Variants in SLC30A6 observed in about 807,000 individuals in gnomAD.
SLC30A6 encodes zinc transporter 6.
Under a neutral mutation model 63.0 loss-of-function variants are expected in SLC30A6, and 55 were observed. The observed-to-expected ratio is 0.87, with a 90% CI of 0.70 to 1.09. The LOEUF (loss-of-function observed/expected upper bound fraction) is 1.09. Ranked by LOEUF, SLC30A6 falls within the 50% of genes least tolerant of loss-of-function variation. The pLI is 0.00. For missense variants in SLC30A6, 587 were observed against 549.2 expected (o/e 1.07, Z -0.69); for synonymous variants, 224 against 186.1 (o/e 1.20, Z -1.66).
intron 13 of SLC30A6, among the ~76,000 whole-genome samples, chr2:32,211,151 G>A (rs939551678): frequency 6.6e-6 from 1 of 152,122 alleles, no homozygotes; most frequent in South Asian, 2.1e-4. Context: ...TCTCAGGGTC[G>A]CTTGCTCCTC....
At chr2:32,213,160 G>C (rs1007826361) in intron 13 of SLC30A6, among the ~76,000 whole-genome samples, 10 of 151,970 alleles carry the variant, frequency 6.6e-5, no homozygotes, top group Non-Finnish European at 1.5e-4. Flanking sequence ...TACTGCCTTG[G>C]CCTCCCAAAG....
intron 5 of SLC30A6, among the ~76,000 whole-genome samples, chr2:32,191,088 A>G (rs560193920): frequency 7.9e-5 from 12 of 152,340 alleles, no homozygotes; most frequent in Non-Finnish European, 1.6e-4. Flanking sequence ...ATCTGGTAGT[A>G]TAAATCTTCC....
intron 10 of SLC30A6, chr2:32,203,093 A>G: frequency 7.6e-7 from 1 of 1,308,580 alleles, no homozygotes; most frequent in Non-Finnish European, 1.1e-6. Flanking sequence ...AATTTACACT[A>G]AAAGACTTCA....
At chr2:32,210,277 C>T (rs908523171) in intron 13 of SLC30A6, among the ~76,000 whole-genome samples, 1 of 151,894 alleles carries the variant, frequency 6.6e-6, no homozygotes, top group Non-Finnish European at 1.5e-5. Flanking sequence ...TTTGGGAAGC[C>T]GAGGCGGGCA....
rs549144131 is a variant in SLC30A6 at position 32,196,982 on chromosome 2, C to T, written c.497-362C>T. Among the ~76,000 whole-genome samples, 9 of 152,294 alleles carry T rather than the reference C, an allele frequency of 5.9e-5. No homozygotes were observed. The South Asian group carries it at 1.9e-3, about 32-fold the overall frequency. On this transcript the variant is annotated intron_variant, in intron 8 of 13. Coordinates refer to ENST00000282587, the MANE Select transcript of SLC30A6 (RefSeq NM_017964.5). ...GGCTGAGGCAGGAGAATTGCTTGAA[C>T]GCGGGAGACAGAGGTTGCAGTGAGC...
At chr2:32,169,407 G>A (rs1680980919) in intron 1 of SLC30A6, among the ~76,000 whole-genome samples, 1 of 152,076 alleles carries the variant, frequency 6.6e-6, no homozygotes, top group Non-Finnish European at 1.5e-5. Context: ...GAACTCCTGG[G>A]CTCAACTGAT....
chr2:32,204,804 A>G, intron 11 of SLC30A6, 112 bp downstream of exon 11: 1 of 410,132 alleles, frequency 2.4e-6, no homozygotes, highest in South Asian at 7.4e-5. Flanking sequence ...TTTATTTTTT[A>G]ATTTTAATTT....
At chr2:32,171,827 G>A (rs1251226871) in intron 2 of SLC30A6, among the ~76,000 whole-genome samples, 5 of 152,032 alleles carry the variant, frequency 3.3e-5, no homozygotes, top group Non-Finnish European at 7.4e-5. Flanking sequence ...CAAGTAGCTG[G>A]GATTACAGGC....
Position 32,203,819 on chromosome 2 carries a change from C to G in SLC30A6, c.666-771C>G, listed in dbSNP as rs1684504758. The G allele has an allele frequency of 2.1e-6, 3 of 1,442,682 alleles. No homozygotes were observed. In the South Asian group the frequency reaches 3.5e-5, roughly 17 times the overall value. 89.4% of individuals were successfully genotyped at this position (1,442,682 alleles called of 1,614,324 possible). ...GAATATTATGATAGAAACACATCTT[C>G]TAATTCCAGACAGAGGAGTGGTTGG... On this transcript the variant is annotated intron_variant, in intron 10 of 13. Coordinates refer to ENST00000282587, the MANE Select transcript of SLC30A6 (RefSeq NM_017964.5).
At chr2:32,167,745 T>C (rs1680813734) in intron 1 of SLC30A6, among the ~76,000 whole-genome samples, 1 of 152,128 alleles carries the variant, frequency 6.6e-6, no homozygotes, top group Non-Finnish European at 1.5e-5. Context: ...TTGCCTATAA[T>C]ACTGATGATT....
chr2:32,174,375 CAG>C (rs1681518505), intron 3 of SLC30A6, among the ~76,000 whole-genome samples: 1 of 151,614 alleles, frequency 6.6e-6, no homozygotes, highest in Non-Finnish European at 1.5e-5. Flanking sequence ...TATTTTAAAA[CAG>C]AAATGGGGTT....
At chr2:32,178,576 G>A (rs1411504790) in intron 4 of SLC30A6, among the ~76,000 whole-genome samples, 2 of 152,186 alleles carry the variant, frequency 1.3e-5, no homozygotes, top group African/African-American at 2.4e-5. Flanking sequence ...AGGAGGCTGA[G>A]GCAGGAGAAT....
At chr2:32,198,676 C>T (rs184053548) in intron 10 of SLC30A6, among the ~76,000 whole-genome samples, 2 of 152,130 alleles carry the variant, frequency 1.3e-5, no homozygotes, top group Non-Finnish European at 2.9e-5. Flanking sequence ...CTCCACCTCC[C>T]GAGTTCAAGC....
chr2:32,186,912 G>A (rs1169984163), intron 5 of SLC30A6, among the ~76,000 whole-genome samples: 1 of 143,994 alleles, frequency 6.9e-6, no homozygotes, highest in Non-Finnish European at 1.5e-5. Context: ...TGGGAAAATG[G>A]CTTGAACCTG....
At chr2:32,172,556 C>T (rs962460408) in intron 2 of SLC30A6, among the ~76,000 whole-genome samples, 1 of 152,000 alleles carries the variant, frequency 6.6e-6, no homozygotes, top group African/African-American at 2.4e-5. Flanking sequence ...TTTGTGCTCC[C>T]CTTCCCTCTG....
intron 9 of SLC30A6, 22 bp from the exon 10 acceptor site, chr2:32,197,685 C>G: frequency 6.2e-7 from 1 of 1,613,452 alleles, no homozygotes; most frequent in East Asian, 2.2e-5. Context: ...AATGGATACT[C>G]TTTCTGTTTG....
At chr2:32,202,699 T>G in intron 10 of SLC30A6, 2 of 669,142 alleles carry the variant, frequency 3.0e-6, no homozygotes, top group Middle Eastern at 2.6e-4. Context: ...GAGTTAGGTT[T>G]TGCTGAACAA....
intron 3 of SLC30A6, among the ~76,000 whole-genome samples, chr2:32,174,793 C>T (rs1396319482): frequency 6.6e-6 from 1 of 151,566 alleles, no homozygotes; most frequent in East Asian, 1.9e-4. Context: ...ACCTTATGAT[C>T]CACCCGCCTC....
chr2:32,206,977 GA>G, intron 12 of SLC30A6, 44 bp downstream of exon 12: 1 of 1,454,584 alleles, frequency 6.9e-7, no homozygotes, highest in Non-Finnish European at 9.6e-7. Flanking sequence ...TTATATCAGG[GA>G]ATTGAAAAGG....
Sources: allele counts gnomAD v4.1 joint callset (sites outside exome capture counted in the v4.1 genomes callset), GRCh38; gene constraint gnomAD v4.1.1; transcripts MANE v1.5; gene names NCBI Gene and HGNC (gene_info 2026-07-23, HGNC 2026-07-21).